ZC2HC1A: variants seen among roughly 807,000 people sequenced by gnomAD.
The protein encoded by ZC2HC1A is zinc finger C2HC domain-containing protein 1A.
In ZC2HC1A, 28 loss-of-function variants were observed where a neutral mutation model predicts 40.7. That is an observed-to-expected ratio of 0.69 (90% CI 0.51 to 0.94). The LOEUF is 0.94. ZC2HC1A is among the 40% of genes least tolerant of loss of function. ZC2HC1A has a pLI of 0.00. For synonymous variants in ZC2HC1A, 129 were observed against 129.2 expected (o/e 1.00, Z 0.01); for missense variants, 389 against 386.3 (o/e 1.01, Z -0.06).
chr8:78,686,341 A>T, intron 3 of ZC2HC1A, 126 bp from the exon 4 acceptor site: 1 of 783,390 alleles, frequency 1.3e-6, no homozygotes, highest in South Asian at 6.2e-5. Context: ...TTTGAGAAGG[A>T]TATCATTTAA....
chr8:78,667,281 G>A (rs1364309647), intron 1 of ZC2HC1A, among the ~76,000 whole-genome samples: 1 of 152,120 alleles, frequency 6.6e-6, no homozygotes, highest in African/African-American at 2.4e-5. Flanking sequence ...ATAATTTTCC[G>A]TTTGTGGACA....
intron 7 of ZC2HC1A, 103 bp downstream of exon 7, chr8:78,698,616 G>T (rs1810508926): frequency 2.3e-6 from 2 of 872,420 alleles, no homozygotes; most frequent in Non-Finnish European, 3.3e-6. Context: ...CATTTCCTAA[G>T]TTCATTTGTC....
intron 3 of ZC2HC1A, among the ~76,000 whole-genome samples, chr8:78,682,956 ATTAAACC>A (rs1311021172): frequency 6.6e-6 from 1 of 152,244 alleles, no homozygotes; most frequent in Non-Finnish European, 1.5e-5. Flanking sequence ...GAGGGCAGTC[ATTAAACC>A]TTAAAGCTCT....
At chr8:78,709,328 A>T (rs1810882225) in intron 7 of ZC2HC1A, among the ~76,000 whole-genome samples, 1 of 152,212 alleles carries the variant, frequency 6.6e-6, no homozygotes, top group South Asian at 2.1e-4. Context: ...GTACATTTTT[A>T]TATGAATAGG....
chr8:78,686,320 AAAATTAT>A, intron 3 of ZC2HC1A, 140 bp from the exon 4 acceptor site: 1 of 711,770 alleles, frequency 1.4e-6, no homozygotes, highest in East Asian at 3.6e-5. Flanking sequence ...GTTTCTCTTT[AAAATTAT>A]AAATTTGAGA....
chr8:78,697,881 A>G (rs566164021), intron 6 of ZC2HC1A, among the ~76,000 whole-genome samples: 1 of 152,000 alleles, frequency 6.6e-6, no homozygotes, highest in East Asian at 1.9e-4. Context: ...GGTTTCACCA[A>G]GTTAGCCAGG....
chr8:78,685,088 A>G (rs1809922621), intron 3 of ZC2HC1A, among the ~76,000 whole-genome samples: 1 of 152,212 alleles, frequency 6.6e-6, no homozygotes, highest in Non-Finnish European at 1.5e-5. Context: ...CAATATTGAA[A>G]ATACTGGTAC....
chr8:78,678,771 C>A lies in ZC2HC1A; in HGVS notation c.210+92C>A, dbSNP rs550075145. ...CTGTTACAGTAAGGTTAAGAATAAA[C>A]ACAATTATCTGCTACATTAAGATTA... is the stretch of plus-strand genomic sequence containing the variant. On this transcript the variant is annotated intron_variant, in intron 3 of 8. Transcript: ENST00000263849. 685 of 751,108 alleles carry A rather than the reference C, an allele frequency of 9.1e-4. 3 individuals are homozygous for A. Among genetic ancestry groups the A allele is most frequent in the Non-Finnish European group, 1.3e-3 (608 of 482,480 alleles). 46.5% of individuals were successfully genotyped at this position (751,108 alleles called of 1,614,324 possible).
intron 7 of ZC2HC1A, among the ~76,000 whole-genome samples, chr8:78,699,197 A>G (rs1341732413): frequency 6.6e-6 from 1 of 152,128 alleles, no homozygotes; most frequent in Non-Finnish European, 1.5e-5. Flanking sequence ...GATTCTCTTA[A>G]TTTAATCCTT....
At chr8:78,685,240 G>C (rs1186061753) in intron 3 of ZC2HC1A, among the ~76,000 whole-genome samples, 1 of 114,030 alleles carries the variant, frequency 8.8e-6, no homozygotes, top group Non-Finnish European at 1.9e-5. Context: ...TAAAGGATAG[G>C]ACAACTGCAT....
At chr8:78,677,191 A>T (rs942182357) in intron 2 of ZC2HC1A, among the ~76,000 whole-genome samples, 1 of 152,144 alleles carries the variant, frequency 6.6e-6, no homozygotes, top group African/African-American at 2.4e-5. Context: ...CAAAATACAA[A>T]AGAAAAAAGA....
Position 78,717,656 on chromosome 8 carries a change from T to G in ZC2HC1A, c.*163T>G, listed in dbSNP as rs1811149325. The G allele has an allele frequency of 1.6e-5, 11 of 670,712 alleles. No homozygotes were observed. The highest frequency in any genetic ancestry group is 1.1e-4 in the South Asian group (5 of 45,738). 41.5% of individuals were successfully genotyped at this position (670,712 alleles called of 1,614,324 possible). ...TTTTGGCTATATAATGTGTGTATGT[T>G]TATATGTGTACATATACTGTATATA... On this transcript the variant is annotated 3_prime_UTR_variant, in exon 9 of 9. Transcript: ENST00000263849.
intron 1 of ZC2HC1A, among the ~76,000 whole-genome samples, chr8:78,673,617 G>A (rs545952795): frequency 1.3e-4 from 20 of 152,246 alleles, no homozygotes; most frequent in African/African-American, 4.1e-4. Context: ...TCTAACTGGC[G>A]TGAGATGGTA....
chr8:78,704,500 C>T (rs1810708694), intron 7 of ZC2HC1A, among the ~76,000 whole-genome samples: 1 of 151,862 alleles, frequency 6.6e-6, no homozygotes, highest in African/African-American at 2.4e-5. Context: ...TTGTAGGTGA[C>T]CTGGCCTTTC....
chr8:78,713,547 T>C (rs565774304), intron 7 of ZC2HC1A, among the ~76,000 whole-genome samples: 8 of 152,178 alleles, frequency 5.3e-5, no homozygotes, highest in African/African-American at 1.9e-4. Flanking sequence ...AAAAAGACTC[T>C]AGTAGTTCTA....
Position 78,719,312 on chromosome 8 carries a change from C to T in ZC2HC1A, c.*1819C>T, listed in dbSNP as rs1811193765. 6.6e-6 allele frequency: 1 copy of T among 151,636 alleles called. No homozygotes were observed. The highest frequency in any genetic ancestry group is 2.4e-5 in the African/African-American group (1 of 41,396). The allele number at this position is 151,636 out of a possible 1,614,324, so 9.4% of individuals were successfully genotyped here. On this transcript the variant is annotated 3_prime_UTR_variant, in exon 9 of 9. Coordinates refer to ENST00000263849, the MANE Select transcript of ZC2HC1A (RefSeq NM_016010.3). The stretch of plus-strand genomic sequence containing the variant: ...ATAATTGGCACACATTTGTTTCTCA[C>T]TGAATTTTACAGTAGTAAATTAATG...
intron 5 of ZC2HC1A, among the ~76,000 whole-genome samples, chr8:78,692,577 A>G (rs1295355862): frequency 6.6e-6 from 1 of 151,738 alleles, no homozygotes; most frequent in Non-Finnish European, 1.5e-5. Flanking sequence ...TTAGGAGGGG[A>G]GCAGTAAGGA....
At position 78,689,309 on chromosome 8, in the gene ZC2HC1A, G is replaced by A. The variant is rs761443209; in HGVS notation, c.440G>A (p.Arg147His). 1.1e-5 allele frequency: 17 copies of A among 1,602,366 alleles called. No homozygotes were observed. The highest frequency in any genetic ancestry group is 8.5e-5 in the Admixed American group (5 of 58,628). The part of the protein sequence containing the change: ...HINFCKEQAA[R>H]ISNKGKFSTD... Reference sequence around the variant, plus strand: ...AATTTCTGTAAAGAACAGGCAGCACGTATTAGTAATAAAGGGAAATTTTCT... The same window carrying A: ...AATTTCTGTAAAGAACAGGCAGCACATATTAGTAATAAAGGGAAATTTTCT... Residue 147 changes from arginine to histidine, a missense_variant, in exon 5 of 9, where the codon CGT becomes CAT. Physicochemically the swap from Arg to His is conservative, Grantham distance 29 (BLOSUM62 0). Transcript: ENST00000263849.
Position 78,678,562 on chromosome 8 carries a change from GA to G in ZC2HC1A, c.99del (p.Lys33AsnfsTer32). 1 of 1,604,148 alleles carries G rather than the reference GA, an allele frequency of 6.2e-7. No homozygotes were observed. Among genetic ancestry groups the G allele is most frequent in the Non-Finnish European group, 8.5e-7 (1 of 1,176,540 alleles). Reference protein sequence around the residue: ...CGRTFFPVALKKHGPICQKTA... With the variant: ...CGRTFFPVALXKHGPICQKTA... ...TAGGCTGCATTTCTTTATCTTAACAGAAAAAACATGGACCCATTTGCCAGAA... is the reference window on the plus strand; with the variant it reads ...TAGGCTGCATTTCTTTATCTTAACAGAAAAACATGGACCCATTTGCCAGAA... On this transcript the variant is annotated frameshift_variant and splice_region_variant, in exon 3 of 9. Coordinates refer to ENST00000263849, the MANE Select transcript of ZC2HC1A (RefSeq NM_016010.3). LOFTEE classifies it high-confidence loss of function.
Sources: allele counts gnomAD v4.1 joint callset (sites outside exome capture counted in the v4.1 genomes callset), GRCh38; gene constraint gnomAD v4.1.1; transcripts MANE v1.5; gene names NCBI Gene and HGNC (gene_info 2026-07-23, HGNC 2026-07-21).